The following RNF180 variants were observed in gnomAD, a reference collection of about 807,000 sequenced individuals.
The protein encoded by RNF180 is ring finger protein 180.
Under a neutral mutation model 59.2 loss-of-function variants are expected in RNF180, and 38 were observed. The observed-to-expected ratio is 0.64, with a 90% CI of 0.50 to 0.84. The LOEUF is 0.84. RNF180 is among the 40% of genes least tolerant of loss of function. The probability of loss-of-function intolerance (pLI) is 0.00; values close to 1 mark genes in which losing one functional copy is unlikely to be tolerated. For missense variants in RNF180, 705 were observed against 700.9 expected, an observed-to-expected ratio of 1.01 and a Z score of -0.07; for synonymous variants, 262 against 240.3, an observed-to-expected ratio of 1.09 and a Z score of -0.84.
At chr5:64,199,029 G>A (rs1751595265) in intron 1 of RNF180, among the ~76,000 whole-genome samples, 1 of 152,166 alleles carries the variant, frequency 6.6e-6, no homozygotes. Context: ...TGTTGGCCAG[G>A]CTGGTTTCGA....
intron 5 of RNF180, among the ~76,000 whole-genome samples, chr5:64,304,567 C>G (rs1456411167): frequency 6.6e-6 from 1 of 151,452 alleles, no homozygotes; most frequent in Admixed American, 6.6e-5. Context: ...TACAAGAGAC[C>G]TAGAATTAGA....
At chr5:64,337,804 G>T (rs949334785) in intron 7 of RNF180, among the ~76,000 whole-genome samples, 1 of 152,046 alleles carries the variant, frequency 6.6e-6, no homozygotes, top group South Asian at 2.1e-4. Flanking sequence ...ATGATTTCCA[G>T]TTTCATCCAT....
chr5:64,173,717 CT>C (rs113698456), intron 1 of RNF180, among the ~76,000 whole-genome samples: 3,975 of 139,984 alleles, frequency 0.028, 137 homozygotes, highest in African/African-American at 0.072. Flanking sequence ...ATAGCATCAA[CT>C]TTTTTTTTTT....
intron 5 of RNF180, among the ~76,000 whole-genome samples, chr5:64,305,962 C>G (rs773568093): frequency 1.3e-5 from 2 of 151,626 alleles, no homozygotes; most frequent in Admixed American, 1.3e-4. Flanking sequence ...CTTCCACTCA[C>G]GTTCCTTTCG....
intron 2 of RNF180, among the ~76,000 whole-genome samples, chr5:64,206,455 G>A (rs1348292962): frequency 6.6e-6 from 1 of 152,124 alleles, no homozygotes; most frequent in East Asian, 1.9e-4. Flanking sequence ...TTTTTGGTTA[G>A]ATAATTTGCT....
At chr5:64,354,822 G>T (rs937950324) in intron 7 of RNF180, among the ~76,000 whole-genome samples, 4 of 151,708 alleles carry the variant, frequency 2.6e-5, no homozygotes, top group African/African-American at 9.6e-5. Flanking sequence ...AATAAAGGGG[G>T]GAAGGGATTG....
chr5:64,226,602 A>C (rs1332479786), intron 5 of RNF180, among the ~76,000 whole-genome samples: 1 of 151,856 alleles, frequency 6.6e-6, no homozygotes, highest in Non-Finnish European at 1.5e-5. Flanking sequence ...TCTCTCCATT[A>C]TTATCCTATG....
At chr5:64,344,421 GT>G (rs1745474598) in intron 7 of RNF180, among the ~76,000 whole-genome samples, 1 of 152,050 alleles carries the variant, frequency 6.6e-6, no homozygotes, top group South Asian at 2.1e-4. Flanking sequence ...GCAACTTAAA[GT>G]TTCAAAATAT....
intron 5 of RNF180, among the ~76,000 whole-genome samples, chr5:64,251,093 AT>A (rs1743545639): frequency 6.6e-6 from 1 of 152,228 alleles, no homozygotes; most frequent in Admixed American, 6.5e-5. Flanking sequence ...TGTTAACAGA[AT>A]GACAGAAAAA....
chr5:64,269,526 C>A (rs1177305848), intron 5 of RNF180, among the ~76,000 whole-genome samples: 1 of 152,062 alleles, frequency 6.6e-6, no homozygotes, highest in African/African-American at 2.4e-5. Flanking sequence ...CAAGTAAAAG[C>A]CTGAAAATTA....
chr5:64,178,145 A>G (rs1750359024), intron 1 of RNF180, among the ~76,000 whole-genome samples: 1 of 148,940 alleles, frequency 6.7e-6, no homozygotes, highest in Non-Finnish European at 1.5e-5. Flanking sequence ...CAGAGGTTGC[A>G]GTGAGCTGAG....
intron 7 of RNF180, among the ~76,000 whole-genome samples, chr5:64,346,359 C>CTTTTTTTTTTTTT (rs1162054033): frequency 2.1e-4 from 9 of 42,954 alleles, no homozygotes; most frequent in African/African-American, 4.6e-4. Flanking sequence ...TTCTTTTCTT[C>CTTTTTTTTTTTTT]TTTTTTTTTT....
Position 64,369,934 on chromosome 5 carries a change from A to T in RNF180, c.*120A>T, listed in dbSNP as rs1168813077. The T allele has an allele frequency of 3.6e-6, 2 of 553,100 alleles. No individual in the cohort carries two copies. The highest frequency in any genetic ancestry group is 2.0e-5 in the African/African-American group (1 of 51,156). The allele number at this position is 553,100 out of a possible 1,614,324, so 34.3% of individuals were successfully genotyped here. ...TGCATTATACAAATTGTTGATGTTT[A>T]TAGAAAGCCTGAGAATAATGAATTT... is the stretch of plus-strand genomic sequence containing the variant. On this transcript the variant is annotated 3_prime_UTR_variant, in exon 8 of 8. Transcript: ENST00000389100.
rs571871677 is a variant in RNF180 at position 64,188,032 on chromosome 5, G to T, written c.1-12776G>T. Among the ~76,000 whole-genome samples the T allele has an allele frequency of 5.3e-5, 8 of 152,220 alleles. No individual in the cohort carries two copies. In the East Asian group the frequency reaches 9.7e-4, roughly 18 times the overall value. ...ACTCCTTTTATTTCAGTTCTTCCGT[G>T]CTCACAATAGGCATCAAGAAGATTC... On this transcript the variant is annotated intron_variant, in intron 1 of 7. Coordinates refer to ENST00000389100, the MANE Select transcript of RNF180 (RefSeq NM_001113561.2).
intron 7 of RNF180, among the ~76,000 whole-genome samples, chr5:64,354,866 C>G (rs962485683): frequency 6.6e-6 from 1 of 151,822 alleles, no homozygotes; most frequent in Non-Finnish European, 1.5e-5. Context: ...TCGACAAAAT[C>G]TAGCACCCTG....
chr5:64,276,839 A>G (rs1280154949), intron 5 of RNF180, among the ~76,000 whole-genome samples: 1 of 152,082 alleles, frequency 6.6e-6, no homozygotes, highest in Non-Finnish European at 1.5e-5. Flanking sequence ...CCTTCTGATT[A>G]TTTTGCTTTC....
chr5:64,237,339 G>T (rs1580079744), intron 5 of RNF180, among the ~76,000 whole-genome samples: 2 of 152,102 alleles, frequency 1.3e-5, no homozygotes, highest in African/African-American at 4.8e-5. Flanking sequence ...TGTCAGGCTT[G>T]TATAGGGCCT....
rs73103137 is a variant in RNF180 at position 64,260,910 on chromosome 5, A to C, written c.1227+43514A>C. ...ATTGTTGTATGTTCTTTCCGTCATGAACAAATCATCTAGCTTAGTTCAGTT... is the reference window on the plus strand; with the variant it reads ...ATTGTTGTATGTTCTTTCCGTCATGCACAAATCATCTAGCTTAGTTCAGTT... On this transcript the variant is annotated intron_variant, in intron 5 of 7. Coordinates refer to ENST00000389100, the MANE Select transcript of RNF180 (RefSeq NM_001113561.2). 4.9e-3 allele frequency among the ~76,000 whole-genome samples: 741 copies of C among 151,668 alleles called. 9 individuals carry two copies. Among genetic ancestry groups the C allele is most frequent in the African/African-American group, 0.017 (695 of 41,382 alleles).
In RNF180 at chr5:64,334,972, G is replaced by A. The variant is rs754340918; in HGVS notation, c.1579+4566G>A. Among the ~76,000 whole-genome samples the A allele has an allele frequency of 1.6e-3, 242 of 152,178 alleles. 1 individual carries two copies. The highest frequency in any genetic ancestry group is 5.5e-3 in the African/African-American group (230 of 41,502). On this transcript the variant is annotated intron_variant, in intron 7 of 7. Coordinates refer to ENST00000389100, the MANE Select transcript of RNF180 (RefSeq NM_001113561.2). The stretch of plus-strand genomic sequence containing the variant: ...TTAACTTCATAACCTACCCAAAACC[G>A]TTTTCCTAAATGGCTGTGATGATTT...
Sources: gnomAD v4.1 joint callset for allele counts (sites outside exome capture counted in the v4.1 genomes callset) on GRCh38, gnomAD v4.1.1 for gene constraint, MANE v1.5 for transcripts, NCBI Gene and HGNC (gene_info 2026-07-23, HGNC 2026-07-21) for gene names.